The following HSPG2 variants were observed in gnomAD, a reference collection of about 807,000 sequenced individuals.
The protein encoded by HSPG2 is basement membrane-specific heparan sulfate proteoglycan core protein.
HSPG2 carries 278 observed loss-of-function variants against 526.6 expected under a neutral mutation model. That is an observed-to-expected ratio of 0.53 (90% CI 0.48 to 0.58). The LOEUF is 0.58. HSPG2 is among the 20% of genes least tolerant of loss of function. The probability of loss-of-function intolerance (pLI) is 0.00; values close to 1 mark genes in which losing one functional copy is unlikely to be tolerated. For synonymous variants in HSPG2, 2,465 were observed against 2,555.4 expected (o/e 0.96, Z 1.07); for missense variants, 5,354 against 6,099.5 (o/e 0.88, Z 4.07).
chr1:21,873,881 A>G (rs936396861), intron 29 of HSPG2, 44 bp downstream of exon 29: 1 of 1,490,686 alleles, frequency 6.7e-7, no homozygotes, highest in Non-Finnish European at 9.1e-7. Context: ...TTCCAGGGAC[A>G]CCCCCTGTGC....
rs138549668 is a variant in HSPG2, at chr1:21,890,460, G to C, written c.380C>G (p.Pro127Arg). 2 of 1,613,946 alleles carry C rather than the reference G, an allele frequency of 1.2e-6. No homozygotes were observed. The highest frequency in any genetic ancestry group is 1.6e-4 in the Middle Eastern group (1 of 6,062). The change falls in exon 5 of 97, where the codon CCC becomes CGC. Residue 127 changes from proline to arginine, a missense_variant. Transcript: ENST00000374695. The surrounding 1 kb of genome is among the most constrained non-coding windows in gnomAD (Gnocchi z 4.1). ...CACCACACTGACAACCTGGTCTCCG[G>C]GAATTTTCAAGTACTCCGACTCCAG... ...DTLESEYLKI[P>R]GDQVVSVVFI...
chr1:21,825,056 C>G, intron 91 of HSPG2: 1 of 501,142 alleles, frequency 2.0e-6, no homozygotes, highest in Non-Finnish European at 3.7e-6. Context: ...GTAGGACCTG[C>G]AACTTTGTTA....
chr1:21,855,494 C>T lies in HSPG2; in HGVS notation c.5854+29G>A, dbSNP rs533099060. 1.3e-4 allele frequency: 213 copies of T among 1,611,590 alleles called. No homozygotes were observed. In the South Asian group the frequency reaches 2.0e-3, roughly 15 times the overall value. ...ACACGCCCTGGGCTGAGCACACTCC[C>T]GGCCCCCACCCTGAGCCCGGCCTCT... On this transcript the variant is annotated intron_variant, in intron 46 of 96. Coordinates refer to ENST00000374695, the MANE Select transcript of HSPG2 (RefSeq NM_005529.7).
chr1:21,885,362 C>T lies in HSPG2; in HGVS notation c.1168G>A (p.Glu390Lys), dbSNP rs772103603. Reference sequence around the variant, plus strand: ...CTCCGGTCAGGACAGTCGCTCTCCTCGTCACAGTGGAAGCTGGCTGGGATG... The same window carrying T: ...CTCCGGTCAGGACAGTCGCTCTCCTTGTCACAGTGGAAGCTGGCTGGGATG... ...MCIPASFHCDEESDCPDRSDE... is the reference protein window; with the variant it reads ...MCIPASFHCDKESDCPDRSDE... The change falls in exon 10 of 97, where the codon GAG becomes AAG. Residue 390 changes from glutamate to lysine, a missense_variant. Coordinates refer to ENST00000374695, the MANE Select transcript of HSPG2 (RefSeq NM_005529.7). The T allele has an allele frequency of 6.2e-6, 10 of 1,614,036 alleles. No homozygotes were observed. Among genetic ancestry groups the T allele is most frequent in the African/African-American group, 1.3e-5 (1 of 74,918 alleles).
In HSPG2 at chr1:21,827,882, A is replaced by C. The variant is rs760333491; in HGVS notation, c.12570T>G (p.Leu4190=). ...GHGIAESDWH[L]EGSGGNDAPG... is the part of the protein sequence containing the mutation. ...ACTCACCATTGCCCCCGCTGCCTTC[A>C]AGATGCCAGTCGGACTCTGCTATGC... Residue 4190 remains leucine, a synonymous_variant, in exon 91 of 97, where the codon CTT becomes CTG. Transcript: ENST00000374695. 3 of 1,592,174 alleles carry C rather than the reference A, an allele frequency of 1.9e-6. No homozygotes were observed. Among genetic ancestry groups the C allele is most frequent in the Non-Finnish European group, 2.6e-6 (3 of 1,169,458 alleles).
intron 23 of HSPG2, 86 bp downstream of exon 23, chr1:21,876,143 G>C: frequency 6.4e-7 from 1 of 1,567,240 alleles, no homozygotes; most frequent in Non-Finnish European, 8.7e-7. Context: ...ATTCTCCCAA[G>C]GCACCACGAC....
In HSPG2 at chr1:21,906,180, C is replaced by G. The variant is rs138572561; in HGVS notation, c.64-9870G>C. ...ATACCACCTGGTCCCGCCGATGATG[C>G]CTGGGACTTTCCTGCTGGGAAGCCC... On this transcript the variant is annotated intron_variant, in intron 1 of 96. Transcript: ENST00000374695. 3.6e-3 allele frequency among the ~76,000 whole-genome samples: 555 copies of G among 152,354 alleles called. 7 individuals carry two copies. Among genetic ancestry groups the G allele is most frequent in the African/African-American group, 0.012 (508 of 41,584 alleles).
chr1:21,911,001 C>T (rs879406547), intron 1 of HSPG2, among the ~76,000 whole-genome samples: 6 of 152,272 alleles, frequency 3.9e-5, no homozygotes, highest in African/African-American at 1.2e-4. Flanking sequence ...TGGCATCCTG[C>T]GCCAAATGCA....
rs1271625608 is a variant in HSPG2, at chr1:21,847,659, C to T, written c.8025+30G>A. 2 of 1,600,268 alleles carry T rather than the reference C, an allele frequency of 1.2e-6. No individual in the cohort carries two copies. Among genetic ancestry groups the T allele is most frequent in the Admixed American group, 1.7e-5 (1 of 57,348 alleles). On this transcript the variant is annotated intron_variant, in intron 61 of 96. Coordinates refer to ENST00000374695, the MANE Select transcript of HSPG2 (RefSeq NM_005529.7). This position sits in a 1 kb window ranked among gnomAD's most constrained non-coding sequence, Gnocchi z 4.1. ...TGCTCACCCCAGGAGACCATGGTTC[C>T]ACCCCCGCTGCTGTGGCTCCACTCT...
intron 91 of HSPG2, chr1:21,825,024 G>T: frequency 1.8e-6 from 1 of 553,842 alleles, no homozygotes; most frequent in East Asian, 3.1e-5. Context: ...TGAGATGTAG[G>T]CAAGAAACCA....
At chr1:21,921,132 T>C (rs1220719480) in intron 1 of HSPG2, among the ~76,000 whole-genome samples, 1 of 152,192 alleles carries the variant, frequency 6.6e-6, no homozygotes, top group African/African-American at 2.4e-5. Flanking sequence ...CATTGCAAAG[T>C]AGGGATTAGC....
Position 21,850,403 on chromosome 1 carries a change from G to C in HSPG2, c.7254C>G (p.Ala2418=), listed in dbSNP as rs1204068300. 3 of 1,611,092 alleles carry C rather than the reference G, an allele frequency of 1.9e-6. No individual in the cohort carries two copies. Among genetic ancestry groups the C allele is most frequent in the Non-Finnish European group, 2.5e-6 (3 of 1,178,960 alleles). Residue 2418 remains alanine (A), a synonymous_variant, in exon 56 of 97, where the codon GCC becomes GCG. Transcript: ENST00000374695. ...CAGGCTCAATGGTGACCAGGACAGA[G>C]GCCTCTAGAGGCACGGAGCTGCCCA... ...RVLGSSVPLE[A]SVLVTIEPAG...
Position 21,884,753 on chromosome 1 carries a change from C to A in HSPG2, c.1507+14G>T. ...CTGCCCCCACACCCGGTGACACCTG[C>A]CCTCCGGCAGTACCTCGTTGTGGGA... On this transcript the variant is annotated intron_variant, in intron 12 of 96. Transcript: ENST00000374695. 3.1e-6 allele frequency: 5 copies of A among 1,613,034 alleles called. No individual in the cohort carries two copies. Among genetic ancestry groups the A allele is most frequent in the Non-Finnish European group, 2.5e-6 (3 of 1,179,850 alleles).
chr1:21,883,255 C>T (rs1641640446), intron 13 of HSPG2, among the ~76,000 whole-genome samples: 1 of 152,250 alleles, frequency 6.6e-6, no homozygotes, highest in South Asian at 2.1e-4. Flanking sequence ...GCCTGCTCAC[C>T]AAATGGTGGC....
intron 39 of HSPG2, 24 bp from the exon 40 acceptor site, chr1:21,860,259 C>T: frequency 1.2e-6 from 2 of 1,608,216 alleles, no homozygotes; most frequent in Admixed American, 1.7e-5. Flanking sequence ...CAAGGGCCGG[C>T]AATGTCAGGC....
At position 21,890,371 on chromosome 1, in the gene HSPG2, C is replaced by T; in HGVS notation, c.413+56G>A. ...AGGCTTCCTTCCCATCCTCATCAGC[C>T]CCCTCCAGGTTACCCGCTCAAGTCC... is the stretch of plus-strand genomic sequence containing the variant. On this transcript the variant is annotated intron_variant, in intron 5 of 96. Transcript: ENST00000374695. The surrounding 1 kb of genome is among the most constrained non-coding windows in gnomAD (Gnocchi z 4.1). 6.5e-7 allele frequency: 1 copy of T among 1,544,822 alleles called. No individual in the cohort carries two copies. The highest frequency in any genetic ancestry group is 1.4e-5 in the African/African-American group (1 of 73,754).
At chr1:21,823,778 C>G in intron 95 of HSPG2, 59 bp from the exon 96 acceptor site, 5 of 1,305,396 alleles carry the variant, frequency 3.8e-6, no homozygotes, top group Non-Finnish European at 5.5e-6. Context: ...CCCGGCCCCA[C>G]GACAGAGTCC....
At chr1:21,873,165 C>T in intron 30 of HSPG2, 74 bp from the exon 31 acceptor site, 1 of 1,323,250 alleles carries the variant, frequency 7.6e-7, no homozygotes, top group Non-Finnish European at 1.1e-6. Flanking sequence ...ACTCTGCTCA[C>T]CACTGAGCGG....
In HSPG2 at chr1:21,842,938, T is replaced by G. The variant is rs1572194640; in HGVS notation, c.8759-17A>C. The G allele has an allele frequency of 6.2e-7, 1 of 1,612,622 alleles. No individual in the cohort carries two copies. The highest frequency in any genetic ancestry group is 8.5e-7 in the Non-Finnish European group (1 of 1,179,620). On this transcript the variant is annotated splice_polypyrimidine_tract_variant and intron_variant, in intron 66 of 96. Coordinates refer to ENST00000374695, the MANE Select transcript of HSPG2 (RefSeq NM_005529.7). ...GTCCTGGAGCTGTGGGCACAGGGGG[T>G]GGGTGAGAGAGGCCAGGCTCCGGGG...
Sources: allele counts gnomAD v4.1 joint callset (sites outside exome capture counted in the v4.1 genomes callset), GRCh38; gene constraint gnomAD v4.1.1; non-coding constraint Gnocchi (gnomAD v3.1); transcripts MANE v1.5; gene names NCBI Gene and HGNC (gene_info 2026-07-23, HGNC 2026-07-21).